PLXNA4: variants seen among roughly 807,000 people sequenced by gnomAD.
The protein encoded by PLXNA4 is plexin A4.
Under a neutral mutation model 191.8 loss-of-function variants are expected in PLXNA4, and 44 were observed. The ratio of observed to expected loss-of-function variants is 0.23; its 90% CI spans 0.18 to 0.29. The LOEUF is 0.29. PLXNA4 is among the 10% of genes least tolerant of loss of function. The pLI, the probability that PLXNA4 is intolerant of heterozygous loss-of-function variation, is 1.00. For synonymous variants in PLXNA4, 1,082 were observed against 1,009.5 expected (o/e 1.07, Z -1.36); for missense variants, 1,800 against 2,488.8 (o/e 0.72, Z 5.89).
chr7:132,582,461 CAGAGCTGACTT>C (rs1335554940), intron 2 of PLXNA4, among the ~76,000 whole-genome samples: 8 of 152,314 alleles, frequency 5.3e-5, no homozygotes, highest in African/African-American at 1.7e-4. Context: ...CATGCTGAAT[CAGAGCTGACTT>C]AAGTGACCAT....
At chr7:132,282,934 T>A (rs1800540444) in intron 4 of PLXNA4, among the ~76,000 whole-genome samples, 1 of 152,134 alleles carries the variant, frequency 6.6e-6, no homozygotes, top group Non-Finnish European at 1.5e-5. Flanking sequence ...TGGAGTGCAG[T>A]GGCACCATCA....
At chr7:132,538,356 G>C (rs578243043) in intron 1 of PLXNA4, among the ~76,000 whole-genome samples, 3 of 152,334 alleles carry the variant, frequency 2.0e-5, no homozygotes, top group East Asian at 3.9e-4. Context: ...CTGAAGCCTG[G>C]AGCATCACCA....
chr7:132,618,469 A>T (rs1427492902), intron 2 of PLXNA4, among the ~76,000 whole-genome samples: 1 of 152,230 alleles, frequency 6.6e-6, no homozygotes, highest in Non-Finnish European at 1.5e-5. Flanking sequence ...GTGTTGACCA[A>T]GTGAACTATT....
chr7:132,178,845 TACACACACACACACACAC>T (rs56027205), intron 20 of PLXNA4, among the ~76,000 whole-genome samples: 1 of 83,536 alleles, frequency 1.2e-5, no homozygotes, highest in Admixed American at 1.2e-4. Flanking sequence ...TACACATATA[TACACACACACACACACAC>T]ACACACACAC....
At chr7:132,491,792 T>C (rs529357947) in intron 2 of PLXNA4, among the ~76,000 whole-genome samples, 35 of 151,306 alleles carry the variant, frequency 2.3e-4, no homozygotes, top group African/African-American at 7.8e-4. Flanking sequence ...TACAAGGGAG[T>C]GTTCAAGATT....
chr7:132,229,405 C>T (rs1343996094), intron 5 of PLXNA4, among the ~76,000 whole-genome samples: 2 of 152,152 alleles, frequency 1.3e-5, no homozygotes, highest in African/African-American at 4.8e-5. Context: ...CTTGAGGTCA[C>T]TGCATGGAGG....
intron 4 of PLXNA4, among the ~76,000 whole-genome samples, chr7:132,293,868 T>C (rs1423911500): frequency 1.3e-5 from 2 of 152,216 alleles, no homozygotes; most frequent in Non-Finnish European, 2.9e-5. Context: ...TCTTCAGTTA[T>C]AGGAGCAACC....
chr7:132,615,668 G>A (rs1585406922), intron 2 of PLXNA4, among the ~76,000 whole-genome samples: 1 of 152,288 alleles, frequency 6.6e-6, no homozygotes, highest in African/African-American at 2.4e-5. Context: ...CCATTGGAGT[G>A]AGCAGGGAAG....
intron 2 of PLXNA4, among the ~76,000 whole-genome samples, chr7:132,635,585 T>C (rs1320202109): frequency 6.6e-6 from 1 of 152,142 alleles, no homozygotes; most frequent in African/African-American, 2.4e-5. Context: ...CCTGGAGGAC[T>C]GAAGAGGAAG....
intron 4 of PLXNA4, among the ~76,000 whole-genome samples, chr7:132,289,011 T>C (rs1445257213): frequency 6.6e-5 from 10 of 152,018 alleles, no homozygotes; most frequent in Non-Finnish European, 2.9e-5. Context: ...CACTTAGGGG[T>C]CCCAAGCCTC....
intron 3 of PLXNA4, among the ~76,000 whole-genome samples, chr7:132,401,123 C>T (rs578101427): frequency 2.4e-4 from 36 of 152,248 alleles, no homozygotes; most frequent in African/African-American, 7.9e-4. Context: ...AATACACACT[C>T]GCCAATGCAA....
At chr7:132,643,840 T>A (rs1803802618) in intron 2 of PLXNA4, among the ~76,000 whole-genome samples, 1 of 151,958 alleles carries the variant, frequency 6.6e-6, no homozygotes, top group South Asian at 2.1e-4. Context: ...TAGTTCCTGA[T>A]ACTGGGGAGG....
intron 3 of PLXNA4, among the ~76,000 whole-genome samples, chr7:132,362,839 T>TATGC (rs1439409727): frequency 6.6e-6 from 1 of 152,178 alleles, no homozygotes; most frequent in Non-Finnish European, 1.5e-5. Context: ...ATTTGTGAAA[T>TATGC]ATGCATGCAT....
intron 3 of PLXNA4, among the ~76,000 whole-genome samples, chr7:132,357,275 G>C (rs1803747893): frequency 1.3e-5 from 2 of 152,206 alleles, no homozygotes; most frequent in Admixed American, 6.5e-5. Context: ...GCTCAGCTGA[G>C]AGCGTGGAAC....
intron 4 of PLXNA4, among the ~76,000 whole-genome samples, chr7:132,276,715 G>A (rs970339843): frequency 2.0e-5 from 3 of 152,058 alleles, no homozygotes; most frequent in African/African-American, 4.8e-5. Context: ...TATTTCTAGG[G>A]GAAAAAGGAT....
At chr7:132,556,696 T>C (rs1800817000) in intron 1 of PLXNA4, among the ~76,000 whole-genome samples, 2 of 152,234 alleles carry the variant, frequency 1.3e-5, no homozygotes, top group African/African-American at 4.8e-5. Flanking sequence ...GGGAAGCTCT[T>C]CAGAAAATGC....
intron 28 of PLXNA4, 149 bp from the exon 29 acceptor site, chr7:132,145,437 T>G (rs576472302): frequency 9.6e-7 from 1 of 1,039,926 alleles, no homozygotes; most frequent in African/African-American, 1.7e-5. Context: ...CATTAAATCA[T>G]TTTTTCCCAT....
chr7:132,596,793 C>T (rs1342316300), intron 2 of PLXNA4, among the ~76,000 whole-genome samples: 1 of 145,674 alleles, frequency 6.9e-6, no homozygotes, highest in Non-Finnish European at 1.5e-5. Flanking sequence ...GATGATCATG[C>T]AATAATTTCC....
At chr7:132,431,909 G>A (rs1046764028) in intron 3 of PLXNA4, among the ~76,000 whole-genome samples, 1 of 152,190 alleles carries the variant, frequency 6.6e-6, no homozygotes, top group African/African-American at 2.4e-5. Context: ...GACGAGGATA[G>A]GACCTCGCCT....
Sources: gnomAD v4.1 joint callset for allele counts (sites outside exome capture counted in the v4.1 genomes callset) on GRCh38, gnomAD v4.1.1 for gene constraint, MANE v1.5 for transcripts, NCBI Gene and HGNC (gene_info 2026-07-23, HGNC 2026-07-21) for gene names.